XRCC4: variants seen among roughly 807,000 people sequenced by gnomAD.
The protein encoded by XRCC4 is X-ray repair cross complementing 4, also known as DNA repair protein XRCC4.
XRCC4 carries 28 observed loss-of-function variants against 39.1 expected under a neutral mutation model. The ratio of observed to expected loss-of-function variants is 0.72; its 90% CI spans 0.53 to 0.98. XRCC4 has a LOEUF of 0.98. XRCC4 is among the 50% of genes least tolerant of loss of function. The pLI is 0.00. For missense variants in XRCC4, 350 were observed against 376.4 expected (o/e 0.93, Z 0.58); for synonymous variants, 123 against 126.4 (o/e 0.97, Z 0.18).
intron 7 of XRCC4, among the ~76,000 whole-genome samples, chr5:83,307,709 G>A (rs1755537755): frequency 6.6e-6 from 1 of 152,152 alleles, no homozygotes; most frequent in African/African-American, 2.4e-5. Flanking sequence ...AATTATTTAG[G>A]AGCAGAAAGC....
rs1333117540 is a variant in XRCC4, at chr5:83,263,530, T to C, written c.893+4853T>C. On this transcript the variant is annotated intron_variant, in intron 7 of 7. Transcript: ENST00000396027. ...TGTTGTTTCCTGACTTTTGAATGAT[T>C]GCCATTCTAACTGGTGTGAGATGGT... Among the ~76,000 whole-genome samples, 118 of 151,216 alleles carry C rather than the reference T, an allele frequency of 7.8e-4. 2 individuals are homozygous for C. The East Asian group carries it at 0.02, about 26-fold the overall frequency.
At chr5:83,168,596 C>T (rs1459127196) in intron 3 of XRCC4, among the ~76,000 whole-genome samples, 1 of 152,070 alleles carries the variant, frequency 6.6e-6, no homozygotes, top group African/African-American at 2.4e-5. Flanking sequence ...CATACTAAAA[C>T]ATGACAAAAT....
Position 83,288,879 on chromosome 5 carries a change from G to A in XRCC4, c.893+30202G>A, listed in dbSNP as rs948527208. On this transcript the variant is annotated intron_variant, in intron 7 of 7. Coordinates refer to ENST00000396027, the MANE Select transcript of XRCC4 (RefSeq NM_003401.5). ...TTACTTCAAATATTTTTTCTACTCT[G>A]TTTTCTTTTTCTTCTTCTGGTATTC... 2.0e-5 allele frequency among the ~76,000 whole-genome samples: 3 copies of A among 151,596 alleles called. No homozygotes were observed. The South Asian group carries it at 6.3e-4, about 32-fold the overall frequency.
chr5:83,274,637 T>A, intron 7 of XRCC4, among the ~76,000 whole-genome samples: 1 of 152,186 alleles, frequency 6.6e-6, no homozygotes, highest in East Asian at 1.9e-4. Flanking sequence ...CCTTTTTATA[T>A]AGAATGGTCA....
intron 7 of XRCC4, among the ~76,000 whole-genome samples, chr5:83,263,551 A>G (rs1753841488): frequency 6.6e-6 from 1 of 151,200 alleles, no homozygotes; most frequent in Admixed American, 6.6e-5. Flanking sequence ...CTGGTGTGAG[A>G]TGGTATCTCA....
intron 7 of XRCC4, among the ~76,000 whole-genome samples, chr5:83,299,597 T>C (rs1297088790): frequency 1.3e-5 from 2 of 152,152 alleles, no homozygotes; most frequent in African/African-American, 2.4e-5. Flanking sequence ...TTACTCTGAC[T>C]TTTTATGTTG....
At chr5:83,213,890 T>C (rs1420496937) in intron 6 of XRCC4, among the ~76,000 whole-genome samples, 1 of 152,228 alleles carries the variant, frequency 6.6e-6, no homozygotes, top group Non-Finnish European at 1.5e-5. Flanking sequence ...ATTCCTCTTA[T>C]GTAAAGATAC....
chr5:83,307,708 G>C (rs980255796), intron 7 of XRCC4, among the ~76,000 whole-genome samples: 1 of 152,114 alleles, frequency 6.6e-6, no homozygotes, highest in African/African-American at 2.4e-5. Context: ...CAATTATTTA[G>C]GAGCAGAAAG....
intron 3 of XRCC4, among the ~76,000 whole-genome samples, chr5:83,114,960 A>G (rs577088909): frequency 3.9e-5 from 6 of 152,310 alleles, no homozygotes; most frequent in South Asian, 4.1e-4. Flanking sequence ...AGAAGGAGGA[A>G]CAAAGTTACG....
intron 6 of XRCC4, among the ~76,000 whole-genome samples, chr5:83,225,901 T>C (rs1307149725): frequency 6.6e-6 from 1 of 152,002 alleles, no homozygotes; most frequent in Non-Finnish European, 1.5e-5. Flanking sequence ...ACCTCTTTTT[T>C]CTTTGGTCAA....
At chr5:83,344,130 TCACACACA>T (rs61032306) in intron 7 of XRCC4, among the ~76,000 whole-genome samples, 18 of 148,204 alleles carry the variant, frequency 1.2e-4, no homozygotes, top group South Asian at 2.2e-4. Flanking sequence ...GACACAGATC[TCACACACA>T]CACACACACA....
intron 3 of XRCC4, among the ~76,000 whole-genome samples, chr5:83,167,158 A>G (rs1334148107): frequency 6.6e-6 from 1 of 152,068 alleles, no homozygotes; most frequent in Admixed American, 6.6e-5. Flanking sequence ...CTCGGATTAC[A>G]GGCATGAGCT....
intron 6 of XRCC4, among the ~76,000 whole-genome samples, chr5:83,256,163 G>C (rs549467701): frequency 1.3e-5 from 2 of 152,150 alleles, no homozygotes; most frequent in Non-Finnish European, 2.9e-5. Context: ...GGCCTCCTTA[G>C]GAGTACAGAT....
the XRCC4 span, among the ~76,000 whole-genome samples, chr5:83,374,309 C>T: frequency 6.6e-6 from 1 of 152,182 alleles, no homozygotes; most frequent in East Asian, 1.9e-4. Flanking sequence ...GAATAAGTCT[C>T]ACAAGATCTG....
At chr5:83,120,870 T>C (rs1175849909) in intron 3 of XRCC4, among the ~76,000 whole-genome samples, 4 of 152,200 alleles carry the variant, frequency 2.6e-5, no homozygotes, top group African/African-American at 9.7e-5. Context: ...CCCATGAAAC[T>C]GTCACCATAA....
chr5:83,175,137 A>G (rs534529689), intron 3 of XRCC4, among the ~76,000 whole-genome samples: 117 of 152,332 alleles, frequency 7.7e-4, no homozygotes, highest in African/African-American at 2.8e-3. Context: ...TCAGAGTTTG[A>G]AAACTGAACT....
chr5:83,184,822 A>G (rs1287405776), intron 3 of XRCC4, among the ~76,000 whole-genome samples: 2 of 152,074 alleles, frequency 1.3e-5, no homozygotes, highest in Non-Finnish European at 2.9e-5. Context: ...AAAAAGACAA[A>G]TCAAATTTAA....
intron 4 of XRCC4, among the ~76,000 whole-genome samples, chr5:83,196,856 G>T (rs886539932): frequency 9.9e-5 from 15 of 151,780 alleles, no homozygotes; most frequent in South Asian, 2.1e-4. Context: ...CATTGTGATT[G>T]CTCTGTATAG....
chr5:83,287,388 C>T (rs1329485625), intron 7 of XRCC4, among the ~76,000 whole-genome samples: 1 of 151,930 alleles, frequency 6.6e-6, no homozygotes, highest in Non-Finnish European at 1.5e-5. Flanking sequence ...GCTTTCTATG[C>T]CTTATTTCAC....
Sources: allele counts gnomAD v4.1 joint callset (sites outside exome capture counted in the v4.1 genomes callset), GRCh38; gene constraint gnomAD v4.1.1; transcripts MANE v1.5; gene names NCBI Gene and HGNC (gene_info 2026-07-23, HGNC 2026-07-21).